GRM8: variants seen among roughly 807,000 people sequenced by gnomAD.
GRM8 encodes the protein glutamate metabotropic receptor 8.
A neutral mutation model predicts 87.2 loss-of-function variants in GRM8; 47 were observed. The ratio of observed to expected loss-of-function variants is 0.54; its 90% CI spans 0.43 to 0.69. The LOEUF (loss-of-function observed/expected upper bound fraction) is 0.69, where lower values mean the gene tolerates loss of function less well. Ranked by LOEUF, GRM8 falls within the 30% of genes least tolerant of loss-of-function variation. The pLI, the probability that GRM8 is intolerant of heterozygous loss-of-function variation, is 0.00. For missense variants in GRM8, 1,019 were observed against 1,139.2 expected (o/e 0.89, Z 1.52); for synonymous variants, 396 against 404.5 (o/e 0.98, Z 0.25).
At chr7:127,127,862 C>T (rs2133209968) in intron 2 of GRM8, among the ~76,000 whole-genome samples, 1 of 152,172 alleles carries the variant, frequency 6.6e-6, no homozygotes, top group African/African-American at 2.4e-5. Flanking sequence ...AAAAACAAGT[C>T]CTCCTTAAGT....
chr7:126,654,514 T>C (rs1804285576), intron 7 of GRM8, among the ~76,000 whole-genome samples: 1 of 152,210 alleles, frequency 6.6e-6, no homozygotes, highest in Admixed American at 6.5e-5. Context: ...TAAGGTTCAT[T>C]TTCTTCTAGC....
chr7:126,519,726 G>A (rs1812696373), intron 9 of GRM8, among the ~76,000 whole-genome samples: 1 of 152,120 alleles, frequency 6.6e-6, no homozygotes, highest in African/African-American at 2.4e-5. Context: ...TGTTGTGCAA[G>A]AACTTTATGG....
At chr7:126,557,026 A>G (rs538329821) in intron 8 of GRM8, among the ~76,000 whole-genome samples, 1 of 152,326 alleles carries the variant, frequency 6.6e-6, no homozygotes, top group East Asian at 1.9e-4. Context: ...AAAGAAAAAG[A>G]TAAGATAGAG....
At position 127,186,276 on chromosome 7, in the gene GRM8, A is replaced by G. The variant is rs569537863; in HGVS notation, c.510+56419T>C. Among the ~76,000 whole-genome samples the G allele has an allele frequency of 2.0e-5, 3 of 152,312 alleles. No individual in the cohort carries two copies. In the East Asian group the frequency reaches 5.8e-4, roughly 29 times the overall value. On this transcript the variant is annotated intron_variant, in intron 2 of 10. Transcript: ENST00000339582. Reference sequence around the variant, plus strand: ...TTTGATTAGACATGGATACATATGAATGTTCAAACCAAGACTTGTAGCAGG... The same window carrying G: ...TTTGATTAGACATGGATACATATGAGTGTTCAAACCAAGACTTGTAGCAGG...
intron 9 of GRM8, among the ~76,000 whole-genome samples, chr7:126,529,317 C>T (rs1814426081): frequency 1.3e-5 from 2 of 152,090 alleles, no homozygotes; most frequent in Non-Finnish European, 2.9e-5. Context: ...ATTGAATAGG[C>T]ATTTATTGAG....
intron 7 of GRM8, among the ~76,000 whole-genome samples, chr7:126,738,176 T>C (rs762406698): frequency 4.6e-5 from 7 of 151,990 alleles, no homozygotes; most frequent in Non-Finnish European, 1.0e-4. Flanking sequence ...AATAAGAACC[T>C]TTTCAGGACA....
chr7:127,153,184 T>G (rs983803766), intron 2 of GRM8, among the ~76,000 whole-genome samples: 4 of 152,120 alleles, frequency 2.6e-5, no homozygotes, highest in African/African-American at 9.7e-5. Flanking sequence ...GTGAAGCTCA[T>G]TTTTATTTAT....
At chr7:126,637,340 C>T (rs893926119) in intron 7 of GRM8, among the ~76,000 whole-genome samples, 1 of 151,896 alleles carries the variant, frequency 6.6e-6, no homozygotes, top group African/African-American at 2.4e-5. Context: ...GACTAAGGAA[C>T]AAAAATAAGG....
intron 8 of GRM8, among the ~76,000 whole-genome samples, chr7:126,591,169 T>C (rs1236844681): frequency 1.3e-5 from 2 of 151,818 alleles, no homozygotes; most frequent in Non-Finnish European, 2.9e-5. Context: ...AAGCTTAAGA[T>C]AAAGAGGTGG....
chr7:126,690,591 A>T (rs565888540), intron 7 of GRM8, among the ~76,000 whole-genome samples: 67 of 152,202 alleles, frequency 4.4e-4, no homozygotes, highest in African/African-American at 1.5e-3. Flanking sequence ...CTTCTAGTAG[A>T]CCACAACATG....
intron 6 of GRM8, among the ~76,000 whole-genome samples, chr7:126,787,432 C>A (rs2151658936): frequency 6.6e-6 from 1 of 152,230 alleles, no homozygotes; most frequent in Middle Eastern, 3.4e-3. Flanking sequence ...TGATACTAGT[C>A]ATTTGAAATT....
intron 6 of GRM8, among the ~76,000 whole-genome samples, chr7:126,877,648 T>C (rs1799646372): frequency 6.6e-6 from 1 of 152,244 alleles, no homozygotes; most frequent in Admixed American, 6.5e-5. Flanking sequence ...TATTCAGATA[T>C]GACTTGTTCT....
chr7:126,671,637 G>A (rs1464238465), intron 7 of GRM8, among the ~76,000 whole-genome samples: 6 of 152,216 alleles, frequency 3.9e-5, no homozygotes, highest in Admixed American at 3.3e-4. Context: ...CAAGAGGGAT[G>A]GGTAATGTAG....
chr7:127,138,501 C>T (rs1311283899), intron 2 of GRM8, among the ~76,000 whole-genome samples: 1 of 152,090 alleles, frequency 6.6e-6, no homozygotes, highest in Non-Finnish European at 1.5e-5. Flanking sequence ...TTCATGGCTT[C>T]TCATTTGGGT....
chr7:126,706,756 A>T (rs1810568567), intron 7 of GRM8, among the ~76,000 whole-genome samples: 1 of 152,200 alleles, frequency 6.6e-6, no homozygotes, highest in Admixed American at 6.5e-5. Flanking sequence ...AAAAGTGAAC[A>T]TGAGTAGTTA....
chr7:127,070,670 T>C (rs1003346301), intron 3 of GRM8, among the ~76,000 whole-genome samples: 1 of 152,210 alleles, frequency 6.6e-6, no homozygotes, highest in Non-Finnish European at 1.5e-5. Context: ...GCTATCACCA[T>C]GTGTATTCTC....
intron 6 of GRM8, among the ~76,000 whole-genome samples, chr7:126,807,189 C>A (rs1309247647): frequency 1.3e-5 from 2 of 152,134 alleles, no homozygotes; most frequent in Non-Finnish European, 2.9e-5. Flanking sequence ...TAGGTCTTCT[C>A]CTCCAAGAAA....
intron 8 of GRM8, among the ~76,000 whole-genome samples, chr7:126,584,406 G>C (rs1795902868): frequency 6.6e-6 from 1 of 152,028 alleles, no homozygotes; most frequent in African/African-American, 2.4e-5. Context: ...GGTATTTTTA[G>C]TGGAGACAGG....
intron 9 of GRM8, among the ~76,000 whole-genome samples, chr7:126,478,223 T>A (rs1296649343): frequency 6.6e-6 from 1 of 152,154 alleles, no homozygotes; most frequent in East Asian, 1.9e-4. Context: ...ATCCCTTGCT[T>A]TATCCTTTCT....
Sources: gnomAD v4.1 joint callset for allele counts (sites outside exome capture counted in the v4.1 genomes callset) on GRCh38, gnomAD v4.1.1 for gene constraint, MANE v1.5 for transcripts, NCBI Gene and HGNC (gene_info 2026-07-23, HGNC 2026-07-21) for gene names.